PROS1: variants seen among roughly 807,000 people sequenced by gnomAD.
The protein encoded by PROS1 is vitamin K-dependent protein S.
Under a neutral mutation model 75.9 loss-of-function variants are expected in PROS1, and 29 were observed. That is an observed-to-expected ratio of 0.38 (90% CI 0.28 to 0.52). PROS1 has a LOEUF of 0.52. Among genes scored for constraint, PROS1 ranks in the 20% least tolerant of loss-of-function variants. The pLI, the probability that PROS1 is intolerant of heterozygous loss-of-function variation, is 0.83. For synonymous variants in PROS1, 245 were observed against 280.6 expected (o/e 0.87, Z 1.27); for missense variants, 680 against 810.3 (o/e 0.84, Z 1.95).
At chr3:93,883,128 TACG>T (rs1202381135) in intron 12 of PROS1, among the ~76,000 whole-genome samples, 2 of 152,302 alleles carry the variant, frequency 1.3e-5, no homozygotes, top group East Asian at 3.9e-4. Context: ...ACTGAATTTG[TACG>T]ACAACAACAT....
intron 3 of PROS1, chr3:93,911,166 A>G: frequency 5.5e-6 from 1 of 181,054 alleles, no homozygotes; most frequent in Non-Finnish European, 1.2e-5. Context: ...TTGCCCTGAG[A>G]TTAATACAGT....
chr3:93,878,941 C>A (rs1708231646), intron 13 of PROS1, among the ~76,000 whole-genome samples: 1 of 152,148 alleles, frequency 6.6e-6, no homozygotes, highest in Non-Finnish European at 1.5e-5. Context: ...ATTCCTCCCT[C>A]CCCTTACTTC....
At chr3:93,876,823 C>T (rs370011952) in intron 14 of PROS1, 143 bp downstream of exon 14, 6 of 535,964 alleles carry the variant, frequency 1.1e-5, no homozygotes, top group Non-Finnish European at 1.6e-5. Context: ...AATAAAATGT[C>T]GGTACTAGCC....
intron 1 of PROS1, among the ~76,000 whole-genome samples, chr3:93,931,662 C>T (rs1423422678): frequency 1.3e-5 from 2 of 152,294 alleles, no homozygotes; most frequent in Non-Finnish European, 2.9e-5. Flanking sequence ...AGGGCCCAAT[C>T]GGACAGCTAC....
intron 1 of PROS1, among the ~76,000 whole-genome samples, chr3:93,952,756 C>CA (rs1392157090): frequency 5.3e-5 from 8 of 152,054 alleles, no homozygotes; most frequent in African/African-American, 1.7e-4. Flanking sequence ...GATAGAGACA[C>CA]AAAAAACCCT....
chr3:93,953,459 A>T (rs1435254871), intron 1 of PROS1, among the ~76,000 whole-genome samples: 1 of 152,226 alleles, frequency 6.6e-6, no homozygotes, highest in Non-Finnish European at 1.5e-5. Flanking sequence ...CAGCATATAA[A>T]CAGAACCAAA....
chr3:93,919,985 A>C (rs1708921128), intron 3 of PROS1, among the ~76,000 whole-genome samples: 1 of 152,178 alleles, frequency 6.6e-6, no homozygotes, highest in East Asian at 1.9e-4. Flanking sequence ...ATTTGATAAG[A>C]TATTTCTCTC....
intron 3 of PROS1, among the ~76,000 whole-genome samples, chr3:93,917,270 T>C (rs904434217): frequency 4.1e-5 from 5 of 123,358 alleles, no homozygotes; most frequent in African/African-American, 1.4e-4. Flanking sequence ...GTGGTTTTTG[T>C]TTTTTTGTTT....
chr3:93,928,615 C>G, intron 1 of PROS1: 1 of 434,706 alleles, frequency 2.3e-6, no homozygotes. Flanking sequence ...CCTTTGTGAT[C>G]TCTGTGGAGA....
chr3:93,883,538 G>A (rs1179928027), intron 12 of PROS1, among the ~76,000 whole-genome samples: 2 of 151,916 alleles, frequency 1.3e-5, no homozygotes, highest in African/African-American at 4.8e-5. Context: ...AGGTTGCGGT[G>A]AGCCGAGATT....
chr3:93,938,163 G>C (rs754618730), intron 1 of PROS1, among the ~76,000 whole-genome samples: 1 of 152,138 alleles, frequency 6.6e-6, no homozygotes, highest in Non-Finnish European at 1.5e-5. Flanking sequence ...GAAAATGGCT[G>C]GTTCCTGCCT....
intron 3 of PROS1, among the ~76,000 whole-genome samples, chr3:93,920,878 A>T (rs754673428): frequency 3.3e-5 from 5 of 152,046 alleles, no homozygotes; most frequent in Non-Finnish European, 7.4e-5. Context: ...ACATTACCTT[A>T]TGCATTATTA....
chr3:93,909,607 C>T (rs2107176467), intron 4 of PROS1, among the ~76,000 whole-genome samples: 1 of 152,170 alleles, frequency 6.6e-6, no homozygotes, highest in Middle Eastern at 3.4e-3. Context: ...GATTTCTGCA[C>T]ATATCCACAC....
intron 10 of PROS1, 119 bp downstream of exon 10, chr3:93,892,814 C>T (rs113901737): frequency 2.4e-5 from 21 of 871,156 alleles, no homozygotes; most frequent in African/African-American, 1.5e-4. Context: ...TAGAATATAC[C>T]TCATATAGCA....
intron 2 of PROS1, among the ~76,000 whole-genome samples, chr3:93,927,000 A>G (rs1709028208): frequency 6.6e-6 from 1 of 152,112 alleles, no homozygotes; most frequent in Non-Finnish European, 1.5e-5. Flanking sequence ...GGTCAATACT[A>G]TTTGCTGATA....
chr3:93,957,244 T>A lies in PROS1; in HGVS notation c.76+16430A>T, dbSNP rs1182181030. 3.0e-4 allele frequency among the ~76,000 whole-genome samples: 45 copies of A among 152,126 alleles called. 1 individual carries two copies. The highest frequency in any genetic ancestry group is 2.9e-3 in the Admixed American group (45 of 15,264). On this transcript the variant is annotated intron_variant, in intron 1 of 14. Transcript: ENST00000394236. Reference sequence around the variant, plus strand: ...ATATGAAACATCAAGTTACAAAAATTATATAGAGCACAATTCCATGTATTT... The same window carrying A: ...ATATGAAACATCAAGTTACAAAAATAATATAGAGCACAATTCCATGTATTT...
At chr3:93,937,870 G>C (rs1200095963) in intron 1 of PROS1, among the ~76,000 whole-genome samples, 1 of 152,110 alleles carries the variant, frequency 6.6e-6, no homozygotes, top group African/African-American at 2.4e-5. Context: ...ATGGAAATAA[G>C]AACACTTTTG....
chr3:93,927,899 A>ATG (rs1186398916), intron 1 of PROS1, among the ~76,000 whole-genome samples: 56 of 124,662 alleles, frequency 4.5e-4, no homozygotes, highest in South Asian at 7.9e-4. Context: ...ATATATATAT[A>ATG]TGTGTGTGTG....
At chr3:93,888,046 A>T (rs1281872081) in intron 10 of PROS1, among the ~76,000 whole-genome samples, 5 of 152,230 alleles carry the variant, frequency 3.3e-5, no homozygotes, top group African/African-American at 1.2e-4. Context: ...CTAGGTATTC[A>T]TGTAGGGAAT....
Sources: gnomAD v4.1 joint callset for allele counts (sites outside exome capture counted in the v4.1 genomes callset) on GRCh38, gnomAD v4.1.1 for gene constraint, MANE v1.5 for transcripts, NCBI Gene and HGNC (gene_info 2026-07-23, HGNC 2026-07-21) for gene names.